ST6GALNAC3: variants seen among roughly 807,000 people sequenced by gnomAD.
ST6GALNAC3 encodes the protein ST6 N-acetylgalactosaminide alpha-2,6-sialyltransferase 3.
In ST6GALNAC3, 25 loss-of-function variants were observed where a neutral mutation model predicts 32.7. The ratio of observed to expected loss-of-function variants is 0.76; its 90% confidence interval spans 0.56 to 1.07. ST6GALNAC3 has a LOEUF of 1.07. ST6GALNAC3 is among the 50% of genes least tolerant of loss of function. The pLI, the probability that ST6GALNAC3 is intolerant of heterozygous loss-of-function variation, is 0.00. For missense variants in ST6GALNAC3, 355 were observed against 382.4 expected (o/e 0.93, Z 0.60); for synonymous variants, 129 against 133.1 (o/e 0.97, Z 0.21).
chr1:76,324,531 A>G (rs1647030409), intron 2 of ST6GALNAC3, among the ~76,000 whole-genome samples: 1 of 152,218 alleles, frequency 6.6e-6, no homozygotes, highest in Admixed American at 6.5e-5. Flanking sequence ...TGAGATAAAT[A>G]TCAGACAAAT....
At chr1:76,116,529 G>A (rs952033367) in intron 1 of ST6GALNAC3, among the ~76,000 whole-genome samples, 1 of 152,104 alleles carries the variant, frequency 6.6e-6, no homozygotes, top group Non-Finnish European at 1.5e-5. Context: ...TGATTCCTTG[G>A]GGGTGTTGGA....
intron 3 of ST6GALNAC3, among the ~76,000 whole-genome samples, chr1:76,452,720 G>A (rs1657498723): frequency 6.6e-6 from 1 of 152,130 alleles, no homozygotes; most frequent in Admixed American, 6.5e-5. Context: ...GTTCATCAGA[G>A]ATATTGGTCT....
chr1:76,125,060 T>C (rs1649153481), intron 1 of ST6GALNAC3, among the ~76,000 whole-genome samples: 1 of 152,236 alleles, frequency 6.6e-6, no homozygotes, highest in African/African-American at 2.4e-5. Flanking sequence ...TTTCACTTGT[T>C]TCTCTTTACT....
At chr1:76,286,820 G>A (rs960006076) in intron 1 of ST6GALNAC3, among the ~76,000 whole-genome samples, 1 of 152,216 alleles carries the variant, frequency 6.6e-6, no homozygotes, top group African/African-American at 2.4e-5. Flanking sequence ...GACAATTGAA[G>A]CATGAGGACC....
chr1:76,103,692 AC>A (rs911423914), intron 1 of ST6GALNAC3, among the ~76,000 whole-genome samples: 104 of 152,104 alleles, frequency 6.8e-4, no homozygotes, highest in African/African-American at 2.4e-3. Context: ...GGAAGAATCC[AC>A]CCCTTGCCTC....
chr1:76,222,865 C>G (rs531832753), intron 1 of ST6GALNAC3, among the ~76,000 whole-genome samples: 1 of 152,140 alleles, frequency 6.6e-6, no homozygotes, highest in Admixed American at 6.5e-5. Context: ...CATCTTGTAC[C>G]AGTCACAATG....
At chr1:76,513,048 A>G (rs945217456) in intron 3 of ST6GALNAC3, among the ~76,000 whole-genome samples, 21 of 151,992 alleles carry the variant, frequency 1.4e-4, no homozygotes, top group Non-Finnish European at 2.5e-4. Context: ...TGTCGAATGT[A>G]TAGTTTACAA....
chr1:76,525,881 C>A (rs1335478632), intron 3 of ST6GALNAC3, among the ~76,000 whole-genome samples: 1 of 138,766 alleles, frequency 7.2e-6, no homozygotes, highest in African/African-American at 2.6e-5. Flanking sequence ...CTCCAAACAC[C>A]AAATTTTTAT....
chr1:76,417,505 T>G (rs1022295320), intron 3 of ST6GALNAC3, among the ~76,000 whole-genome samples: 1 of 152,168 alleles, frequency 6.6e-6, no homozygotes, highest in East Asian at 1.9e-4. Flanking sequence ...GTAGGGCTGA[T>G]AGTGGCACAT....
At chr1:76,401,526 G>A (rs1468642541) in intron 2 of ST6GALNAC3, among the ~76,000 whole-genome samples, 3 of 152,032 alleles carry the variant, frequency 2.0e-5, no homozygotes, top group Non-Finnish European at 4.4e-5. Context: ...TTTCTTTAAT[G>A]GTGGTTTGTT....
intron 1 of ST6GALNAC3, among the ~76,000 whole-genome samples, chr1:76,290,276 G>C (rs1293662075): frequency 6.6e-6 from 1 of 152,130 alleles, no homozygotes; most frequent in Non-Finnish European, 1.5e-5. Flanking sequence ...CACTATTGCT[G>C]TGTAGATCCT....
At chr1:76,372,834 C>A (rs1427646561) in intron 2 of ST6GALNAC3, among the ~76,000 whole-genome samples, 1 of 152,148 alleles carries the variant, frequency 6.6e-6, no homozygotes, top group East Asian at 1.9e-4. Context: ...GTGGAGCAAA[C>A]CTATCTCCTC....
intron 1 of ST6GALNAC3, among the ~76,000 whole-genome samples, chr1:76,159,309 C>T (rs2100368633): frequency 6.6e-6 from 1 of 152,330 alleles, no homozygotes; most frequent in Admixed American, 6.5e-5. Flanking sequence ...ATGCCTCAGC[C>T]TCCCAAGTGG....
At chr1:76,463,948 G>A (rs534022288) in intron 3 of ST6GALNAC3, among the ~76,000 whole-genome samples, 1 of 152,202 alleles carries the variant, frequency 6.6e-6, no homozygotes, top group African/African-American at 2.4e-5. Flanking sequence ...ACCCAGGTTG[G>A]CTCTGTCTCT....
At chr1:76,232,950 C>G (rs1480782458) in intron 1 of ST6GALNAC3, among the ~76,000 whole-genome samples, 2 of 152,148 alleles carry the variant, frequency 1.3e-5, no homozygotes, top group African/African-American at 2.4e-5. Context: ...ACCTAGGAAC[C>G]ATGTGACTTT....
At chr1:76,253,053 G>A (rs1477955576) in intron 1 of ST6GALNAC3, among the ~76,000 whole-genome samples, 1 of 152,096 alleles carries the variant, frequency 6.6e-6, no homozygotes, top group Non-Finnish European at 1.5e-5. Context: ...TATTAGAAAT[G>A]CTGTTGGCTC....
chr1:76,084,087 A>G (rs1284017159), intron 1 of ST6GALNAC3, among the ~76,000 whole-genome samples: 3 of 152,226 alleles, frequency 2.0e-5, no homozygotes, highest in Non-Finnish European at 4.4e-5. Context: ...ATTGGACAGC[A>G]TGCTCCTTCA....
Position 76,275,542 on chromosome 1 carries a change from C to A in ST6GALNAC3, c.19-38263C>A, listed in dbSNP as rs1255497205. ...GTTGCCCCTTGACTCAGACAGGGCC[C>A]AGGATCCATCCTAAGGTCTTCCCTC... On this transcript the variant is annotated intron_variant, in intron 1 of 4. Transcript: ENST00000328299. Among the ~76,000 whole-genome samples, 5 of 152,070 alleles carry A rather than the reference C, an allele frequency of 3.3e-5. No individual in the cohort carries two copies. The East Asian group carries it at 9.7e-4, about 29-fold the overall frequency.
At chr1:76,095,823 C>A (rs968691573) in intron 1 of ST6GALNAC3, among the ~76,000 whole-genome samples, 1 of 152,324 alleles carries the variant, frequency 6.6e-6, no homozygotes, top group South Asian at 2.1e-4. Flanking sequence ...CCACTCCCTC[C>A]ATCTCCAATC....
Sources: gnomAD v4.1 joint callset for allele counts (sites outside exome capture counted in the v4.1 genomes callset) on GRCh38, gnomAD v4.1.1 for gene constraint, MANE v1.5 for transcripts, NCBI Gene and HGNC (gene_info 2026-07-23, HGNC 2026-07-21) for gene names.